Variants in TENM3 observed in about 807,000 individuals in gnomAD.
TENM3 encodes teneurin-3.
Under a neutral mutation model 255.1 loss-of-function variants are expected in TENM3, and 63 were observed. The ratio of observed to expected loss-of-function variants is 0.25; its 90% CI spans 0.20 to 0.30. The LOEUF is 0.30. Among genes scored for constraint, TENM3 ranks in the 10% least tolerant of loss-of-function variants. The pLI, the probability that TENM3 is intolerant of heterozygous loss-of-function variation, is 1.00. For synonymous variants in TENM3, 1,306 were observed against 1,322.3 expected (o/e 0.99, Z 0.27); for missense variants, 2,929 against 3,461.1 (o/e 0.85, Z 3.86).
At chr4:182,097,879 G>A in the TENM3 span, among the ~76,000 whole-genome samples, 7 of 152,068 alleles carry the variant, frequency 4.6e-5, no homozygotes, top group African/African-American at 7.2e-5. Context: ...CCCCCAAAAT[G>A]TGCATAACTT....
chr4:181,533,506 G>C, the TENM3 span, among the ~76,000 whole-genome samples: 7 of 152,042 alleles, frequency 4.6e-5, no homozygotes, highest in African/African-American at 1.7e-4. Flanking sequence ...GGATGGATTG[G>C]TTTTCTAGGT....
intron 1 of TENM3, among the ~76,000 whole-genome samples, chr4:182,285,215 G>T (rs1262463775): frequency 6.6e-6 from 1 of 150,528 alleles, no homozygotes; most frequent in Non-Finnish European, 1.5e-5. Context: ...ATTTGATTGT[G>T]AATTAGATGA....
the TENM3 span, among the ~76,000 whole-genome samples, chr4:182,089,259 C>T: frequency 0.047 from 7,220 of 152,210 alleles, 565 homozygotes; most frequent in African/African-American, 0.16. Flanking sequence ...ATCTTAGGCA[C>T]AGAGATTTTC....
At chr4:182,283,026 A>G (rs905801958) in intron 1 of TENM3, among the ~76,000 whole-genome samples, 10 of 152,160 alleles carry the variant, frequency 6.6e-5, no homozygotes, top group Non-Finnish European at 1.2e-4. Flanking sequence ...CAGTCTACCG[A>G]CAATTTCTAA....
At chr4:181,899,723 A>T in the TENM3 span, among the ~76,000 whole-genome samples, 2 of 151,872 alleles carry the variant, frequency 1.3e-5, no homozygotes, top group South Asian at 4.2e-4. Context: ...ATGCACCACC[A>T]CACCCAGCTA....
chr4:181,598,977 A>T, the TENM3 span, among the ~76,000 whole-genome samples: 19 of 152,346 alleles, frequency 1.2e-4, no homozygotes, highest in African/African-American at 4.1e-4. Flanking sequence ...CTTTTCAAAA[A>T]ATAGTGCTTA....
At chr4:181,774,958 G>A in the TENM3 span, among the ~76,000 whole-genome samples, 3 of 135,156 alleles carry the variant, frequency 2.2e-5, no homozygotes, top group Non-Finnish European at 4.6e-5. Context: ...TTTCTCCCAT[G>A]TTGTAGGTTG....
the TENM3 span, among the ~76,000 whole-genome samples, chr4:181,549,768 C>T: frequency 6.6e-6 from 1 of 152,096 alleles, no homozygotes; most frequent in Admixed American, 6.5e-5. Context: ...TTTCCCTGTG[C>T]TTGGGGTGGG....
chr4:181,751,496 C>A, the TENM3 span, among the ~76,000 whole-genome samples: 1 of 151,484 alleles, frequency 6.6e-6, no homozygotes, highest in Non-Finnish European at 1.5e-5. Context: ...ATGACCCATT[C>A]TAGGAACTCT....
chr4:182,251,477 C>T (rs1307127315), intron 1 of TENM3, among the ~76,000 whole-genome samples: 1 of 152,088 alleles, frequency 6.6e-6, no homozygotes, highest in Non-Finnish European at 1.5e-5. Flanking sequence ...CAAAACAAAA[C>T]AAAAGCGATG....
chr4:181,879,895 T>C, the TENM3 span, among the ~76,000 whole-genome samples: 1 of 152,230 alleles, frequency 6.6e-6, no homozygotes, highest in African/African-American at 2.4e-5. Flanking sequence ...AAAGTGTTTT[T>C]TTTAACATGT....
chr4:182,395,337 A>T (rs1768734843), intron 3 of TENM3, among the ~76,000 whole-genome samples: 1 of 152,146 alleles, frequency 6.6e-6, no homozygotes, highest in Non-Finnish European at 1.5e-5. Flanking sequence ...TGACCACAAA[A>T]TTATATAAGA....
the TENM3 span, among the ~76,000 whole-genome samples, chr4:181,683,458 A>G: frequency 6.6e-6 from 1 of 152,142 alleles, no homozygotes; most frequent in Admixed American, 6.6e-5. Context: ...AGTTTATTGA[A>G]ACAAAGATTG....
chr4:182,627,731 A>C (rs2152467832), intron 4 of TENM3, among the ~76,000 whole-genome samples: 1 of 73,972 alleles, frequency 1.4e-5, no homozygotes, highest in South Asian at 4.4e-4. Flanking sequence ...GCTTTTTTAA[A>C]ATTTGGAGAC....
rs1205255308 is a variant in TENM3, at chr4:182,628,735, T to A, written c.834T>A (p.Val278=). 1 of 1,609,618 alleles carries A rather than the reference T, an allele frequency of 6.2e-7. No homozygotes were observed. Among genetic ancestry groups the A allele is most frequent in the African/African-American group, 1.3e-5 (1 of 74,964 alleles). Residue 278 remains valine (V), a synonymous_variant, in exon 5 of 28, where the codon GTT becomes GTA. Transcript: ENST00000511685. The part of the protein sequence containing the change: ...TPGYTMASGS[V]YSPPTRPLPR... ...GATACACAATGGCATCTGGCTCTGT[T>A]TATTCACCACCTACTCGGCCACTAC...
At chr4:182,770,576 C>T (rs940645223) in intron 22 of TENM3, among the ~76,000 whole-genome samples, 4 of 152,180 alleles carry the variant, frequency 2.6e-5, no homozygotes, top group Non-Finnish European at 5.9e-5. Context: ...GAGAATCTGC[C>T]CAGAGGCATA....
At chr4:181,917,308 C>T in the TENM3 span, among the ~76,000 whole-genome samples, 4 of 152,110 alleles carry the variant, frequency 2.6e-5, no homozygotes, top group Admixed American at 1.3e-4. Context: ...TAAAAGGGAT[C>T]GATAGAAACA....
chr4:181,754,721 G>A, the TENM3 span, among the ~76,000 whole-genome samples: 3 of 152,280 alleles, frequency 2.0e-5, no homozygotes, highest in East Asian at 3.9e-4. Flanking sequence ...GAGGGCCTTG[G>A]ATAGCAGGCA....
the TENM3 span, among the ~76,000 whole-genome samples, chr4:181,460,784 C>A: frequency 1.3e-5 from 2 of 150,406 alleles, no homozygotes; most frequent in Non-Finnish European, 3.0e-5. Context: ...AAACTTGCAA[C>A]AGTGTAGGTT....
Sources: gnomAD v4.1 joint callset for allele counts (sites outside exome capture counted in the v4.1 genomes callset) on GRCh38, gnomAD v4.1.1 for gene constraint, MANE v1.5 for transcripts, NCBI Gene and HGNC (gene_info 2026-07-23, HGNC 2026-07-21) for gene names.